The following XKR9 variants were observed in gnomAD, a reference collection of about 807,000 sequenced individuals.
The protein encoded by XKR9 is XK-related protein 9.
XKR9 carries 32 observed loss-of-function variants against 32.0 expected under a neutral mutation model. The observed-to-expected ratio is 1.00, with a 90% CI of 0.76 to 1.34. The LOEUF (loss-of-function observed/expected upper bound fraction) is 1.34. Among genes scored for constraint, XKR9 ranks in the 40% most tolerant of loss-of-function variants. XKR9 has a pLI of 0.00. For missense variants in XKR9, 546 were observed against 429.7 expected, an observed-to-expected ratio of 1.27 and a Z score of -2.39; for synonymous variants, 168 against 143.4, an observed-to-expected ratio of 1.17 and a Z score of -1.22.
At chr8:71,031,354 T>C in the XKR9 span, among the ~76,000 whole-genome samples, 5 of 152,202 alleles carry the variant, frequency 3.3e-5, no homozygotes, top group Non-Finnish European at 4.4e-5. Flanking sequence ...TACAGGACAT[T>C]AAAATATATG....
the XKR9 span, among the ~76,000 whole-genome samples, chr8:70,850,181 G>T: frequency 6.6e-6 from 1 of 151,898 alleles, no homozygotes; most frequent in African/African-American, 2.4e-5. Context: ...AAATTTTGAG[G>T]CTGGGCACGG....
the XKR9 span, among the ~76,000 whole-genome samples, chr8:70,862,584 G>A: frequency 1.7e-5 from 2 of 120,772 alleles, no homozygotes; most frequent in South Asian, 5.0e-4. Context: ...GAGGCAGTAT[G>A]GTTTAATAAA....
the XKR9 span, among the ~76,000 whole-genome samples, chr8:70,844,694 A>G: frequency 6.6e-6 from 1 of 152,176 alleles, no homozygotes. Flanking sequence ...TCATCTGTGT[A>G]CTTCTCCCAG....
chr8:70,894,210 T>C, the XKR9 span, among the ~76,000 whole-genome samples: 1 of 151,534 alleles, frequency 6.6e-6, no homozygotes, highest in African/African-American at 2.4e-5. Context: ...CCCTGGAATT[T>C]AGGGTTTGAC....
the XKR9 span, among the ~76,000 whole-genome samples, chr8:70,961,438 C>G: frequency 1.3e-5 from 2 of 152,118 alleles, no homozygotes; most frequent in African/African-American, 2.4e-5. Context: ...TGCCAGGCAA[C>G]AGTTTATTCA....
At chr8:70,862,869 T>C in the XKR9 span, among the ~76,000 whole-genome samples, 1 of 152,082 alleles carries the variant, frequency 6.6e-6, no homozygotes, top group Non-Finnish European at 1.5e-5. Context: ...GAGAATTCTG[T>C]GTACTCAGGC....
chr8:71,013,825 C>T, the XKR9 span, among the ~76,000 whole-genome samples: 1 of 152,136 alleles, frequency 6.6e-6, no homozygotes, highest in Non-Finnish European at 1.5e-5. Context: ...ATGTGCTCTC[C>T]AAACCCAGTC....
chr8:70,875,889 G>T, the XKR9 span, among the ~76,000 whole-genome samples: 6 of 152,024 alleles, frequency 3.9e-5, no homozygotes, highest in East Asian at 1.9e-4. Flanking sequence ...TTATGGGGTT[G>T]ATAGAAACTG....
chr8:71,039,554 G>T, the XKR9 span, among the ~76,000 whole-genome samples: 1 of 152,144 alleles, frequency 6.6e-6, no homozygotes, highest in East Asian at 1.9e-4. Flanking sequence ...GTACATAGAG[G>T]ATTCTACAAG....
chr8:70,995,589 A>G, the XKR9 span, among the ~76,000 whole-genome samples: 9 of 152,284 alleles, frequency 5.9e-5, no homozygotes, highest in African/African-American at 1.9e-4. Context: ...CATCACTCCT[A>G]TATACTTGGT....
At chr8:71,001,369 C>T in the XKR9 span, among the ~76,000 whole-genome samples, 1 of 152,150 alleles carries the variant, frequency 6.6e-6, no homozygotes, top group Admixed American at 6.5e-5. Flanking sequence ...TCAGGTGATT[C>T]TCCCACCTCA....
At chr8:70,756,272 T>G (rs917619262) in intron 2 of XKR9, among the ~76,000 whole-genome samples, 1 of 152,226 alleles carries the variant, frequency 6.6e-6, no homozygotes, top group Non-Finnish European at 1.5e-5. Flanking sequence ...ACTGTTGCTT[T>G]ATAGTAAGTT....
chr8:70,751,101 T>A (rs1807133595), intron 2 of XKR9, among the ~76,000 whole-genome samples: 2 of 152,092 alleles, frequency 1.3e-5, no homozygotes, highest in Non-Finnish European at 2.9e-5. Flanking sequence ...CCCTGCTGAT[T>A]TTGGGCTTGC....
chr8:70,904,372 G>A, the XKR9 span, among the ~76,000 whole-genome samples: 7 of 152,208 alleles, frequency 4.6e-5, no homozygotes, highest in African/African-American at 1.7e-4. Context: ...ATTATGTAAT[G>A]GCCTTCTTTG....
At chr8:70,993,601 T>TCTTCCTTCCTTCCTTC in the XKR9 span, among the ~76,000 whole-genome samples, 33 of 105,186 alleles carry the variant, frequency 3.1e-4, no homozygotes, top group African/African-American at 6.8e-4. Context: ...TCATAGGACA[T>TCTTCCTTCCTTCCTTC]CTTCCTTCCT....
At chr8:70,747,171 T>G (rs970273906) in intron 2 of XKR9, among the ~76,000 whole-genome samples, 1 of 152,222 alleles carries the variant, frequency 6.6e-6, no homozygotes, top group African/African-American at 2.4e-5. Flanking sequence ...GATAAACACC[T>G]GGGTTGATGC....
downstream of XKR9, chr8:70,736,086 T>TA (rs1464842682): frequency 6.6e-6 from 1 of 152,218 alleles, no homozygotes; most frequent in Non-Finnish European, 1.5e-5. Context: ...AGCAACAGTG[T>TA]AAAAGTGTTC....
chr8:70,761,828 G>C (rs1157557889), intron 2 of XKR9, among the ~76,000 whole-genome samples: 2 of 151,974 alleles, frequency 1.3e-5, no homozygotes, highest in African/African-American at 4.8e-5. Flanking sequence ...AGAGTTTTGG[G>C]TTTTACATGT....
the XKR9 span, among the ~76,000 whole-genome samples, chr8:70,971,864 C>G: frequency 0.018 from 2,715 of 152,114 alleles, 84 homozygotes; most frequent in African/African-American, 0.061. Context: ...TGACTATGGC[C>G]TTATAGTATA....
Sources: allele counts gnomAD v4.1 joint callset (sites outside exome capture counted in the v4.1 genomes callset), GRCh38; gene constraint gnomAD v4.1.1; transcripts MANE v1.5; gene names NCBI Gene and HGNC (gene_info 2026-07-23, HGNC 2026-07-21).